The following RARRES1 variants were observed in gnomAD, a reference collection of about 807,000 sequenced individuals.
RARRES1 encodes the protein retinoic acid receptor responder 1, also known as retinoic acid receptor responder protein 1.
In RARRES1, 34 loss-of-function variants were observed where a neutral mutation model predicts 30.6. The observed-to-expected ratio is 1.11, with a 90% CI of 0.84 to 1.48. RARRES1 has a LOEUF of 1.48. Ranked by LOEUF, RARRES1 falls within the 40% of genes most tolerant of loss-of-function variation. The pLI, the probability that RARRES1 is intolerant of heterozygous loss-of-function variation, is 0.00. For missense variants in RARRES1, 373 were observed against 386.5 expected, an observed-to-expected ratio of 0.97 and a Z score of 0.29; for synonymous variants, 153 against 155.5, an observed-to-expected ratio of 0.98 and a Z score of 0.12.
intron 2 of RARRES1, among the ~76,000 whole-genome samples, chr3:158,713,050 T>C (rs1260067162): frequency 1.3e-5 from 2 of 152,110 alleles, no homozygotes; most frequent in Non-Finnish European, 2.9e-5. Context: ...AAGCATGGGG[T>C]TGGGGGAGTC....
At chr3:158,731,123 A>G (rs1310858644) in intron 1 of RARRES1, among the ~76,000 whole-genome samples, 2 of 152,222 alleles carry the variant, frequency 1.3e-5, no homozygotes, top group Non-Finnish European at 2.9e-5. Context: ...TAATCATTCA[A>G]TAAATACAGC....
At position 158,704,802 on chromosome 3, in the gene RARRES1, C is replaced by A; in HGVS notation, c.661G>T (p.Val221Leu). 1.2e-6 allele frequency: 2 copies of A among 1,613,206 alleles called. No individual in the cohort carries two copies. Among genetic ancestry groups the A allele is most frequent in the Non-Finnish European group, 1.7e-6 (2 of 1,179,698 alleles). ...CAGGTTTTTCTTACCCACTGCCTCA[C>A]ACTAGTGAGCTGTGCCAAGTAGTAG... ...SHYYLAQLTSVRQWKTNDDTI... is the reference protein window; with the variant it reads ...SHYYLAQLTSLRQWKTNDDTI... The change falls in exon 4 of 6, where the codon GTG (valine) becomes TTG (leucine). Residue 221 changes from valine to leucine, a missense_variant. By Grantham distance (32) the Val-to-Leu change is conservative (BLOSUM62 1). Coordinates refer to ENST00000237696, the MANE Select transcript of RARRES1 (RefSeq NM_206963.2).
chr3:158,717,658 G>A (rs532169669), intron 1 of RARRES1, among the ~76,000 whole-genome samples: 2 of 152,336 alleles, frequency 1.3e-5, no homozygotes, highest in East Asian at 3.9e-4. Context: ...ATTTTGAAAA[G>A]ATCCCTCTAG....
chr3:158,719,127 T>G (rs940367760), intron 1 of RARRES1, among the ~76,000 whole-genome samples: 1 of 152,096 alleles, frequency 6.6e-6, no homozygotes, highest in African/African-American at 2.4e-5. Flanking sequence ...CAAATGACCA[T>G]ATGACTGTAT....
At chr3:158,705,171 C>T (rs554658066) in intron 3 of RARRES1, among the ~76,000 whole-genome samples, 10 of 152,240 alleles carry the variant, frequency 6.6e-5, no homozygotes, top group Non-Finnish European at 8.8e-5. Context: ...ACTGTATACA[C>T]GCAAAGTAAG....
intron 2 of RARRES1, among the ~76,000 whole-genome samples, chr3:158,712,053 AAT>A (rs1391093170): frequency 6.6e-6 from 1 of 152,170 alleles, no homozygotes; most frequent in African/African-American, 2.4e-5. Context: ...TCCTTAACCA[AAT>A]AAGAGAAGCC....
At chr3:158,730,692 T>C (rs1358174725) in intron 1 of RARRES1, among the ~76,000 whole-genome samples, 1 of 152,144 alleles carries the variant, frequency 6.6e-6, no homozygotes, top group African/African-American at 2.4e-5. Context: ...GCTCAAGCGA[T>C]TTGCCCACCT....
intron 1 of RARRES1, among the ~76,000 whole-genome samples, chr3:158,727,660 G>A (rs1031148101): frequency 6.6e-6 from 1 of 152,126 alleles, no homozygotes; most frequent in African/African-American, 2.4e-5. Context: ...GCATAAGATC[G>A]CTCAGCACCA....
rs543161914 is a variant in RARRES1, at chr3:158,712,756, G to A, written c.339+1041C>T. ...CCATGGAATCAAAGCCGTTGCCTGA[G>A]GATAAAAGAACTGCTCTTCACCCCC... On this transcript the variant is annotated intron_variant, in intron 2 of 5. Transcript: ENST00000237696. 1.3e-3 allele frequency among the ~76,000 whole-genome samples: 195 copies of A among 152,222 alleles called. 2 individuals are homozygous for A. The South Asian group carries it at 0.022, about 17-fold the overall frequency.
At position 158,704,796 on chromosome 3, in the gene RARRES1, G is replaced by A; in HGVS notation, c.667C>T (p.Gln223Ter). 1 of 1,612,324 alleles carries A rather than the reference G, an allele frequency of 6.2e-7. No individual in the cohort carries two copies. Among genetic ancestry groups the A allele is most frequent in the South Asian group, 1.1e-5 (1 of 90,522 alleles). Residue 223 changes from glutamine to a stop codon, truncating the protein, a stop_gained, in exon 4 of 6, where the codon CAG (glutamine) becomes TAG (stop). Transcript: ENST00000237696. LOFTEE classifies it high-confidence loss of function. ...AATTTTCAGGTTTTTCTTACCCACTGCCTCACACTAGTGAGCTGTGCCAAG... is the reference window on the plus strand; with the variant it reads ...AATTTTCAGGTTTTTCTTACCCACTACCTCACACTAGTGAGCTGTGCCAAG... ...YYLAQLTSVR[Q>*]WKTNDDTIDF...
At chr3:158,727,303 TG>T (rs1727726315) in intron 1 of RARRES1, among the ~76,000 whole-genome samples, 1 of 152,222 alleles carries the variant, frequency 6.6e-6, no homozygotes, top group African/African-American at 2.4e-5. Flanking sequence ...AATTAAGATA[TG>T]GGCATAGCTC....
At chr3:158,707,673 A>G (rs1196810745) in intron 3 of RARRES1, among the ~76,000 whole-genome samples, 1 of 152,196 alleles carries the variant, frequency 6.6e-6, no homozygotes, top group East Asian at 1.9e-4. Flanking sequence ...AAAAATGGAA[A>G]AGCTTCAACA....
chr3:158,725,841 G>A (rs1316021031), intron 1 of RARRES1, among the ~76,000 whole-genome samples: 1 of 152,192 alleles, frequency 6.6e-6, no homozygotes, highest in Non-Finnish European at 1.5e-5. Flanking sequence ...GATGGCTGCT[G>A]TGGTGGGTGA....
At chr3:158,704,294 T>C (rs1055662247) in intron 4 of RARRES1, among the ~76,000 whole-genome samples, 1 of 143,074 alleles carries the variant, frequency 7.0e-6, no homozygotes, top group Non-Finnish European at 1.5e-5. Flanking sequence ...GTACAGTAGC[T>C]CAATCATAGC....
At chr3:158,720,463 A>T (rs975893064) in intron 1 of RARRES1, among the ~76,000 whole-genome samples, 2 of 152,128 alleles carry the variant, frequency 1.3e-5, no homozygotes, top group Admixed American at 6.5e-5. Context: ...ACAGATATTT[A>T]TTCTCATACA....
intron 1 of RARRES1, 94 bp downstream of exon 1, chr3:158,732,046 C>G (rs950047512): frequency 8.5e-7 from 1 of 1,173,808 alleles, no homozygotes; most frequent in Non-Finnish European, 1.1e-6. Context: ...GCGGACCATC[C>G]GTTGGGCCGG....
intron 1 of RARRES1, among the ~76,000 whole-genome samples, chr3:158,731,686 A>G (rs1181300126): frequency 6.6e-6 from 1 of 152,230 alleles, no homozygotes; most frequent in African/African-American, 2.4e-5. Context: ...TGGTATGGCT[A>G]CTGGCTTAGA....
intron 2 of RARRES1, 38 bp from the exon 3 acceptor site, chr3:158,710,971 C>T: frequency 6.5e-7 from 1 of 1,542,568 alleles, no homozygotes; most frequent in Non-Finnish European, 8.9e-7. Flanking sequence ...ACCTCCCACT[C>T]ACCCCAGTGC....
chr3:158,722,138 T>G (rs1184788446), intron 1 of RARRES1, among the ~76,000 whole-genome samples: 2 of 149,572 alleles, frequency 1.3e-5, no homozygotes, highest in African/African-American at 4.9e-5. Context: ...AGAAGGCAGT[T>G]TGGACTAAAA....
Sources: gnomAD v4.1 joint callset for allele counts (sites outside exome capture counted in the v4.1 genomes callset) on GRCh38, gnomAD v4.1.1 for gene constraint, MANE v1.5 for transcripts, NCBI Gene and HGNC (gene_info 2026-07-23, HGNC 2026-07-21) for gene names.